The following PLA2R1 variants were observed in gnomAD, a reference collection of about 807,000 sequenced individuals.
The protein encoded by PLA2R1 is phospholipase A2 receptor 1.
In PLA2R1, 158 loss-of-function variants were observed where a neutral mutation model predicts 195.9. That is an observed-to-expected ratio of 0.81 (90% CI 0.71 to 0.92). PLA2R1 has a LOEUF of 0.92. PLA2R1 is among the 40% of genes least tolerant of loss of function. The pLI, the probability that PLA2R1 is intolerant of heterozygous loss-of-function variation, is 0.00. For synonymous variants in PLA2R1, 586 were observed against 598.2 expected (o/e 0.98, Z 0.30); for missense variants, 1,626 against 1,764.6 (o/e 0.92, Z 1.41).
chr2:160,026,994 G>A (rs138176589), intron 6 of PLA2R1, among the ~76,000 whole-genome samples: 24 of 152,160 alleles, frequency 1.6e-4, no homozygotes, highest in African/African-American at 4.8e-4. Context: ...TTAGCCGGGC[G>A]TGGTGGCAGG....
intron 19 of PLA2R1, 21 bp from the exon 20 acceptor site, chr2:159,967,699 G>A (rs779350961): frequency 6.2e-7 from 1 of 1,610,104 alleles, no homozygotes; most frequent in Admixed American, 1.7e-5. Flanking sequence ...AAATGGGTTA[G>A]AAATGGCTTA....
chr2:160,024,911 T>C (rs1693398607), intron 6 of PLA2R1, among the ~76,000 whole-genome samples: 1 of 151,992 alleles, frequency 6.6e-6, no homozygotes, highest in Non-Finnish European at 1.5e-5. Context: ...CATTCCTGGG[T>C]CCTTGCTGCT....
intron 11 of PLA2R1, among the ~76,000 whole-genome samples, chr2:159,997,681 A>G (rs1029401609): frequency 6.6e-6 from 1 of 152,018 alleles, no homozygotes. Flanking sequence ...GACAGTTCAG[A>G]TGTTCCTCTC....
intron 3 of PLA2R1, among the ~76,000 whole-genome samples, chr2:160,034,542 T>C (rs1170699452): frequency 6.6e-6 from 1 of 152,204 alleles, no homozygotes; most frequent in African/African-American, 2.4e-5. Context: ...AATATACTAC[T>C]ACGTGTTACG....
intron 9 of PLA2R1, among the ~76,000 whole-genome samples, chr2:160,013,929 G>A (rs568480432): frequency 6.6e-6 from 1 of 152,164 alleles, no homozygotes; most frequent in African/African-American, 2.4e-5. Flanking sequence ...AGTATTTATG[G>A]GGTTGTTCTG....
At chr2:160,006,767 C>T (rs908798938) in intron 10 of PLA2R1, among the ~76,000 whole-genome samples, 18 of 152,150 alleles carry the variant, frequency 1.2e-4, no homozygotes, top group African/African-American at 3.6e-4. Flanking sequence ...AAGCCATTAC[C>T]CAGGAAACCT....
At chr2:159,945,419 A>G (rs891290743) in intron 27 of PLA2R1, among the ~76,000 whole-genome samples, 3 of 151,772 alleles carry the variant, frequency 2.0e-5, no homozygotes, top group South Asian at 4.2e-4. Flanking sequence ...TCATTGTTCA[A>G]TTCCCACCTA....
intron 6 of PLA2R1, among the ~76,000 whole-genome samples, chr2:160,023,433 C>T (rs946678532): frequency 1.3e-5 from 2 of 152,160 alleles, no homozygotes; most frequent in Non-Finnish European, 2.9e-5. Flanking sequence ...AAGACACTCC[C>T]ACCAGTGCCA....
the PLA2R1 span, among the ~76,000 whole-genome samples, chr2:159,925,662 A>G: frequency 7.2e-5 from 11 of 152,240 alleles, no homozygotes; most frequent in Non-Finnish European, 1.3e-4. Context: ...GGACTGTAGT[A>G]ATATGATCTG....
intron 28 of PLA2R1, among the ~76,000 whole-genome samples, 171 bp downstream of exon 28, chr2:159,944,735 G>A (rs902509069): frequency 5.3e-5 from 8 of 152,152 alleles, no homozygotes; most frequent in African/African-American, 1.9e-4. Context: ...ATCAGAGAAA[G>A]AAGGAGCTGA....
intron 23 of PLA2R1, among the ~76,000 whole-genome samples, chr2:159,953,030 A>C (rs1687854943): frequency 6.6e-6 from 1 of 152,252 alleles, no homozygotes; most frequent in South Asian, 2.1e-4. Flanking sequence ...AAATAATATC[A>C]AAGTAGCTAT....
the PLA2R1 span, among the ~76,000 whole-genome samples, chr2:159,924,058 A>G: frequency 6.6e-6 from 1 of 152,012 alleles, no homozygotes. Flanking sequence ...CTGGAGGAGA[A>G]CCCGTTTCTT....
chr2:160,010,516 T>G (rs1329377219), intron 10 of PLA2R1, among the ~76,000 whole-genome samples: 1 of 152,248 alleles, frequency 6.6e-6, no homozygotes, highest in Non-Finnish European at 1.5e-5. Context: ...CCATCAAACC[T>G]GTCATTCCAT....
chr2:159,924,885 G>C, the PLA2R1 span, among the ~76,000 whole-genome samples: 33 of 152,184 alleles, frequency 2.2e-4, no homozygotes, highest in Admixed American at 2.2e-3. Flanking sequence ...AAGAATAACA[G>C]TTGGTTGTAT....
intron 11 of PLA2R1, among the ~76,000 whole-genome samples, chr2:159,993,680 A>C (rs1056284136): frequency 6.6e-6 from 1 of 152,068 alleles, no homozygotes. Context: ...ATCAAAGACT[A>C]CTAGGATCAC....
Position 160,020,231 on chromosome 2 carries a change from T to A in PLA2R1, c.1327A>T (p.Ser443Cys). The part of the protein sequence containing the change: ...NASETWIGLS[S>C]NKIPVSFEWS... ...TCAAAGGAAACTGGAATTTTATTGC[T>A]GCTCAAACCAATCCATGTTTCTGAT... is the stretch of plus-strand genomic sequence containing the variant. The change falls in exon 8 of 30, where the codon AGC becomes TGC. Residue 443 changes from serine (S) to cysteine (C), a missense_variant. Ser to Cys is a moderately radical substitution (Grantham distance 112). Transcript: ENST00000283243. 1 of 1,610,674 alleles carries A rather than the reference T, an allele frequency of 6.2e-7. No homozygotes were observed. The highest frequency in any genetic ancestry group is 8.5e-7 in the Non-Finnish European group (1 of 1,177,556).
chr2:160,013,711 C>G (rs372899421), intron 9 of PLA2R1, among the ~76,000 whole-genome samples: 42,572 of 85,794 alleles, frequency 0.5, 8,444 homozygotes, highest in East Asian at 0.64. Context: ...CTGTCTCTCT[C>G]TCTCTCTCTC....
rs1226521532 is a variant in PLA2R1, at chr2:159,938,093, T to G, written c.*3685A>C. The G allele has an allele frequency of 6.6e-6, 1 of 152,214 alleles. No individual in the cohort carries two copies. The highest frequency in any genetic ancestry group is 1.5e-5 in the Non-Finnish European group (1 of 68,044). The allele number at this position is 152,214 out of a possible 1,614,324, so 9.4% of individuals were successfully genotyped here. A position where few individuals can be genotyped will look rare whatever the true frequency, so the allele number is the denominator to read the frequency against. ...TACATGAAGATTCTGGAAATTAAGTTTCTTAAATACCCATGCTCCTGTATT... is the reference window on the plus strand; with the variant it reads ...TACATGAAGATTCTGGAAATTAAGTGTCTTAAATACCCATGCTCCTGTATT... On this transcript the variant is annotated 3_prime_UTR_variant, in exon 30 of 30. Transcript: ENST00000283243.
chr2:159,945,917 T>C, intron 27 of PLA2R1: 2 of 855,486 alleles, frequency 2.3e-6, no homozygotes, highest in South Asian at 5.4e-5. Flanking sequence ...TCCATATATA[T>C]ATATAATCGA....
Sources: gnomAD v4.1 joint callset for allele counts (sites outside exome capture counted in the v4.1 genomes callset) on GRCh38, gnomAD v4.1.1 for gene constraint, MANE v1.5 for transcripts, NCBI Gene and HGNC (gene_info 2026-07-23, HGNC 2026-07-21) for gene names.